FRMD3: variants seen among roughly 807,000 people sequenced by gnomAD.
FRMD3 encodes the protein FERM domain containing 3, also known as FERM domain-containing protein 3.
In FRMD3, 33 loss-of-function variants were observed where a neutral mutation model predicts 70.2. The ratio of observed to expected loss-of-function variants is 0.47; its 90% CI spans 0.36 to 0.63. The LOEUF is 0.63. FRMD3 is among the 20% of genes least tolerant of loss of function. The pLI, the probability that FRMD3 is intolerant of heterozygous loss-of-function variation, is 0.00. For synonymous variants in FRMD3, 279 were observed against 255.9 expected, an observed-to-expected ratio of 1.09 and a Z score of -0.86; for missense variants, 632 against 711.4, an observed-to-expected ratio of 0.89 and a Z score of 1.27.
intron 13 of FRMD3, among the ~76,000 whole-genome samples, chr9:83,250,808 G>A (rs1832375382): frequency 6.6e-6 from 1 of 152,234 alleles, no homozygotes; most frequent in Non-Finnish European, 1.5e-5. Context: ...GGACTTCCTT[G>A]TGGGGGCTTC....
chr9:83,493,183 G>T (rs1453949679), intron 1 of FRMD3, among the ~76,000 whole-genome samples: 1 of 152,164 alleles, frequency 6.6e-6, no homozygotes, highest in Admixed American at 6.5e-5. Flanking sequence ...GGAGTTGGAA[G>T]GGAGGAGGGA....
At chr9:83,552,670 C>A in the FRMD3 span, among the ~76,000 whole-genome samples, 1 of 152,032 alleles carries the variant, frequency 6.6e-6, no homozygotes, top group Non-Finnish European at 1.5e-5. Context: ...ACATATATAT[C>A]ACATATATTT....
intron 1 of FRMD3, among the ~76,000 whole-genome samples, chr9:83,401,220 A>G (rs998183068): frequency 9.9e-5 from 15 of 152,244 alleles, no homozygotes; most frequent in African/African-American, 3.4e-4. Context: ...TAACTTGACC[A>G]AGGTCACATG....
intron 13 of FRMD3, among the ~76,000 whole-genome samples, chr9:83,273,810 T>C (rs947746019): frequency 2.0e-5 from 3 of 152,074 alleles, no homozygotes; most frequent in African/African-American, 4.8e-5. Context: ...AAAAAGTCAC[T>C]TGGTGTTTTC....
At chr9:83,461,741 C>T (rs1240883686) in intron 1 of FRMD3, among the ~76,000 whole-genome samples, 3 of 125,676 alleles carry the variant, frequency 2.4e-5, no homozygotes, top group Non-Finnish European at 4.7e-5. Flanking sequence ...CATGCTGGAG[C>T]GCAGTGGCAC....
chr9:83,403,300 G>A (rs1165489478), intron 1 of FRMD3, among the ~76,000 whole-genome samples: 1 of 152,096 alleles, frequency 6.6e-6, no homozygotes, highest in Non-Finnish European at 1.5e-5. Flanking sequence ...CCTAATGGTA[G>A]CATTTTTTGC....
In FRMD3 at chr9:83,247,394, T is replaced by TTA; in HGVS notation, c.*523_*524insTA. 1.0e-6 allele frequency: 1 copy of TTA among 982,432 alleles called. No homozygotes were observed. The highest frequency in any genetic ancestry group is 1.2e-6 in the Non-Finnish European group (1 of 827,370). 60.9% of individuals were successfully genotyped at this position (982,432 alleles called of 1,614,324 possible). ...AACTCCAGGAGGCTTCTTTTTTTTT[T>TTA]TTGCTAAAAATTTACCAAAATAGTT... On this transcript the variant is annotated 3_prime_UTR_variant, in exon 14 of 14. Coordinates refer to ENST00000304195, the MANE Select transcript of FRMD3 (RefSeq NM_174938.6).
intron 13 of FRMD3, among the ~76,000 whole-genome samples, chr9:83,250,186 C>A (rs576096117): frequency 6.6e-6 from 1 of 152,262 alleles, no homozygotes; most frequent in South Asian, 2.1e-4. Context: ...GGAAGATGCA[C>A]AGAAGCAAAG....
At chr9:83,332,008 C>T (rs17402202) in intron 6 of FRMD3, 163,320 of 657,084 alleles carry the variant, frequency 0.25, 21,912 homozygotes, top group Admixed American at 0.35. Flanking sequence ...TCTGGCAAAT[C>T]CAAGTTTCTG....
chr9:83,559,403 C>T, the FRMD3 span, among the ~76,000 whole-genome samples: 2 of 152,166 alleles, frequency 1.3e-5, no homozygotes, highest in South Asian at 4.1e-4. Flanking sequence ...ATTTAATAGA[C>T]TACAGTATTC....
At chr9:83,392,905 C>G (rs1379195663) in intron 1 of FRMD3, among the ~76,000 whole-genome samples, 2 of 152,126 alleles carry the variant, frequency 1.3e-5, no homozygotes, top group Non-Finnish European at 2.9e-5. Flanking sequence ...ACGTGCAGTA[C>G]TGATTGAGCA....
intron 13 of FRMD3, among the ~76,000 whole-genome samples, chr9:83,282,199 G>A (rs1720259988): frequency 6.6e-6 from 1 of 152,206 alleles, no homozygotes; most frequent in Non-Finnish European, 1.5e-5. Context: ...GAAGAATCCT[G>A]AGGGTATGTG....
At chr9:83,479,519 T>C (rs62560306) in intron 1 of FRMD3, among the ~76,000 whole-genome samples, 51,538 of 142,024 alleles carry the variant, frequency 0.36, 9,666 homozygotes, top group Middle Eastern at 0.44. Context: ...CCCAGATAAC[T>C]TGGGAGGCTG....
chr9:83,244,971 T>C lies in FRMD3; in HGVS notation c.*2947A>G, dbSNP rs1203868905. The C allele has an allele frequency of 2.0e-6, 2 of 976,720 alleles. No individual in the cohort carries two copies. The highest frequency in any genetic ancestry group is 9.5e-5 in the South Asian group (2 of 21,120). 60.5% of individuals were successfully genotyped at this position (976,720 alleles called of 1,614,324 possible). On this transcript the variant is annotated 3_prime_UTR_variant, in exon 14 of 14. Coordinates refer to ENST00000304195, the MANE Select transcript of FRMD3 (RefSeq NM_174938.6). ...TGTGTGTGTATATGTATTTGCCATA[T>C]GTGTGTGTGTATTATATATATTTAT...
chr9:83,423,034 C>T (rs1826689858), intron 1 of FRMD3, among the ~76,000 whole-genome samples: 1 of 152,086 alleles, frequency 6.6e-6, no homozygotes, highest in African/African-American at 2.4e-5. Context: ...AACTCGAGTT[C>T]TCCATGGGGA....
intron 13 of FRMD3, among the ~76,000 whole-genome samples, chr9:83,258,861 G>A (rs2118659812): frequency 6.6e-6 from 1 of 152,240 alleles, no homozygotes; most frequent in South Asian, 2.1e-4. Flanking sequence ...TTCAGGCTAG[G>A]AGGCTTTGGT....
chr9:83,531,749 A>C (rs1829795906), intron 1 of FRMD3, among the ~76,000 whole-genome samples: 1 of 152,196 alleles, frequency 6.6e-6, no homozygotes, highest in African/African-American at 2.4e-5. Flanking sequence ...AACAGATAAG[A>C]AGCTAACCTT....
At chr9:83,263,358 TCA>T (rs1372954151) in intron 13 of FRMD3, among the ~76,000 whole-genome samples, 1 of 152,230 alleles carries the variant, frequency 6.6e-6, no homozygotes, top group East Asian at 1.9e-4. Flanking sequence ...CTCTTTATCT[TCA>T]CAGTCAGTCA....
At chr9:83,367,475 A>C (rs1391918991) in intron 3 of FRMD3, among the ~76,000 whole-genome samples, 1 of 152,224 alleles carries the variant, frequency 6.6e-6, no homozygotes, top group Admixed American at 6.5e-5. Context: ...AATAGTAGCA[A>C]GCAGATGGGA....
Sources: gnomAD v4.1 joint callset for allele counts (sites outside exome capture counted in the v4.1 genomes callset) on GRCh38, gnomAD v4.1.1 for gene constraint, MANE v1.5 for transcripts, NCBI Gene and HGNC (gene_info 2026-07-23, HGNC 2026-07-21) for gene names.